Variants in CORO7 observed in about 807,000 individuals in gnomAD.
CORO7 encodes the protein coronin-7.
A neutral mutation model predicts 126.6 loss-of-function variants in CORO7; 107 were observed. That is an observed-to-expected ratio of 0.85 (90% confidence interval 0.72 to 0.99). The LOEUF is 0.99. Ranked by LOEUF, CORO7 falls within the 50% of genes least tolerant of loss-of-function variation. The pLI, the probability that CORO7 is intolerant of heterozygous loss-of-function variation, is 0.00. For synonymous variants in CORO7, 603 were observed against 536.8 expected (o/e 1.12, Z -1.70); for missense variants, 1,314 against 1,255.8 (o/e 1.05, Z -0.70).
At chr16:4,357,912 G>T (rs549223912) in intron 25 of CORO7, 56 bp downstream of exon 25, 264 of 1,557,282 alleles carry the variant, frequency 1.7e-4, no homozygotes, top group Middle Eastern at 8.4e-4. Context: ...TGGGCCTTCT[G>T]TCCCTTTCTC....
intron 6 of CORO7, among the ~76,000 whole-genome samples, chr16:4,403,623 T>C (rs1014304756): frequency 6.6e-6 from 1 of 152,122 alleles, no homozygotes; most frequent in Non-Finnish European, 1.5e-5. Context: ...CTCCTATGAC[T>C]CTTCCTGCAA....
At chr16:4,381,485 G>T (rs2054961064) in intron 9 of CORO7, 1 of 1,586,254 alleles carries the variant, frequency 6.3e-7, no homozygotes, top group South Asian at 1.1e-5. Flanking sequence ...GCTGGTCTGG[G>T]GCTGCAGCAG....
At chr16:4,364,545 G>T in intron 13 of CORO7, 52 bp downstream of exon 13, 2 of 1,528,420 alleles carry the variant, frequency 1.3e-6, no homozygotes, top group East Asian at 2.4e-5. Flanking sequence ...AGCCACACGG[G>T]GCTACCAGGG....
At chr16:4,402,877 C>T (rs1321810621) in intron 6 of CORO7, among the ~76,000 whole-genome samples, 2 of 152,180 alleles carry the variant, frequency 1.3e-5, no homozygotes, top group South Asian at 2.1e-4. Context: ...TCTCCCAGCT[C>T]GGGAGGCCCC....
At chr16:4,382,678 CG>C in intron 9 of CORO7, 2 of 1,546,646 alleles carry the variant, frequency 1.3e-6, no homozygotes, top group Non-Finnish European at 8.7e-7. Flanking sequence ...CTGTGTGCGG[CG>C]GGGGCGGGCC....
At position 4,413,913 on chromosome 16, in the gene CORO7, C is replaced by T. The variant is rs566910988; in HGVS notation, c.61-509G>A. Among the ~76,000 whole-genome samples, 205 of 150,242 alleles carry T rather than the reference C, an allele frequency of 1.4e-3. 2 individuals are homozygous for T. The South Asian group carries it at 0.014, about 10-fold the overall frequency. ...GGAAATGTAAAATGTGGGCCAGGTG[C>T]GGTGGTTCATGCCTGTAATCCCAGC... On this transcript the variant is annotated intron_variant, in intron 1 of 27. Transcript: ENST00000251166.
rs1372552592 is a variant in CORO7 at position 4,381,470 on chromosome 16, G to A, written c.785+6516C>T. The A allele has an allele frequency of 7.6e-6, 12 of 1,581,896 alleles. No homozygotes were observed. Among genetic ancestry groups the A allele is most frequent in the Non-Finnish European group, 9.4e-6 (11 of 1,165,850 alleles). Reference sequence around the variant, plus strand: ...GACACTGCCAACGTGGAGGCGCTGCGGCTGGCTGGTCTGGGGCTGCAGCAG... The same window carrying A: ...GACACTGCCAACGTGGAGGCGCTGCAGCTGGCTGGTCTGGGGCTGCAGCAG... On this transcript the variant is annotated intron_variant, in intron 9 of 27. Coordinates refer to ENST00000251166, the MANE Select transcript of CORO7 (RefSeq NM_024535.5).
chr16:4,412,287 A>G (rs1410641336), intron 3 of CORO7, 69 bp downstream of exon 3: 1 of 1,563,238 alleles, frequency 6.4e-7, no homozygotes, highest in Non-Finnish European at 8.8e-7. Flanking sequence ...CCAGGTGAGG[A>G]TGAATTTCTG....
At chr16:4,396,799 TGAG>T (rs1885820370) in intron 6 of CORO7, among the ~76,000 whole-genome samples, 1 of 151,900 alleles carries the variant, frequency 6.6e-6, no homozygotes, top group South Asian at 2.1e-4. Context: ...GTGGATCACC[TGAG>T]GTCAGGAGTT....
At chr16:4,398,440 G>A (rs2055679065) in intron 6 of CORO7, among the ~76,000 whole-genome samples, 1 of 152,090 alleles carries the variant, frequency 6.6e-6, no homozygotes, top group Admixed American at 6.5e-5. Context: ...AAGGCTGGGG[G>A]GAATCACTTG....
intron 9 of CORO7, chr16:4,382,645 C>T: frequency 3.2e-6 from 5 of 1,557,090 alleles, no homozygotes; most frequent in Non-Finnish European, 4.3e-6. Context: ...CCTGGCCGCG[C>T]TGGCTGCGGT....
intron 26 of CORO7, among the ~76,000 whole-genome samples, chr16:4,355,770 T>TTTTGTTTG (rs893525069): frequency 3.3e-5 from 5 of 149,390 alleles, no homozygotes; most frequent in Admixed American, 2.7e-4. Flanking sequence ...CGCCCGGCCT[T>TTTTGTTTG]TTTGTTTGTT....
At chr16:4,408,091 G>C in intron 4 of CORO7, 90 bp downstream of exon 4, 2 of 1,581,928 alleles carry the variant, frequency 1.3e-6, no homozygotes, top group South Asian at 1.1e-5. Context: ...CTGGGAGGCA[G>C]CAGAGCCCTG....
At chr16:4,413,227 C>G (rs1026700307) in intron 2 of CORO7, 81 bp downstream of exon 2, 5 of 1,413,570 alleles carry the variant, frequency 3.5e-6, no homozygotes, top group African/African-American at 2.9e-5. Flanking sequence ...ATACACCAAG[C>G]CTGCCCCTGC....
At chr16:4,381,858 C>T (rs1430890159) in intron 9 of CORO7, 1 of 1,602,890 alleles carries the variant, frequency 6.2e-7, no homozygotes, top group East Asian at 2.2e-5. Flanking sequence ...AGGAGACGCG[C>T]TGCCACTTCC....
intron 9 of CORO7, chr16:4,381,246 G>C: frequency 1.2e-6 from 2 of 1,611,880 alleles, no homozygotes; most frequent in Middle Eastern, 1.6e-4. Context: ...TCCGTGGCCT[G>C]CGGCGCCTCG....
chr16:4,392,884 G>T (rs1212807885), intron 7 of CORO7, among the ~76,000 whole-genome samples: 3 of 152,214 alleles, frequency 2.0e-5, no homozygotes, highest in African/African-American at 7.2e-5. Context: ...GCTGGAAGGG[G>T]TGGGAGCCAC....
At chr16:4,412,618 AT>A (rs2056254833) in intron 2 of CORO7, 188 bp from the exon 3 acceptor site, 1 of 601,558 alleles carries the variant, frequency 1.7e-6, no homozygotes, top group African/African-American at 1.9e-5. Flanking sequence ...TGCATGAGCC[AT>A]CCATGCCTCA....
At chr16:4,404,460 C>G (rs1479046837) in intron 6 of CORO7, among the ~76,000 whole-genome samples, 1 of 152,202 alleles carries the variant, frequency 6.6e-6, no homozygotes, top group Admixed American at 6.5e-5. Flanking sequence ...GGGGGCAGCA[C>G]TATGTGGTCA....
Sources: gnomAD v4.1 joint callset for allele counts (sites outside exome capture counted in the v4.1 genomes callset) on GRCh38, gnomAD v4.1.1 for gene constraint, MANE v1.5 for transcripts, NCBI Gene and HGNC (gene_info 2026-07-23, HGNC 2026-07-21) for gene names.